Variants in KSR2 observed in about 807,000 individuals in gnomAD.
KSR2 encodes kinase suppressor of ras 2.
In KSR2, 25 loss-of-function variants were observed where a neutral mutation model predicts 107.8. The observed-to-expected ratio is 0.23, with a 90% confidence interval of 0.17 to 0.32. The LOEUF (loss-of-function observed/expected upper bound fraction) is 0.32. Ranked by LOEUF, KSR2 falls within the 10% of genes least tolerant of loss-of-function variation. The pLI is 1.00. For missense variants in KSR2, 887 were observed against 1,268.9 expected, an observed-to-expected ratio of 0.70 and a Z score of 4.57; for synonymous variants, 480 against 507.0, an observed-to-expected ratio of 0.95 and a Z score of 0.71.
At chr12:117,951,799 A>G (rs1896372571) in intron 1 of KSR2, among the ~76,000 whole-genome samples, 1 of 152,110 alleles carries the variant, frequency 6.6e-6, no homozygotes, top group African/African-American at 2.4e-5. Context: ...CAAAGGAGGG[A>G]GGTTCCCAGG....
At chr12:117,639,658 A>AT (rs139711049) in intron 5 of KSR2, among the ~76,000 whole-genome samples, 6,792 of 102,804 alleles carry the variant, frequency 0.066, 167 homozygotes, top group Middle Eastern at 0.12. Flanking sequence ...TATTATTATT[A>AT]TATTATTTTA....
Position 117,502,154 on chromosome 12 carries a change from C to G in KSR2, c.2220-16463G>C, listed in dbSNP as rs149921036. On this transcript the variant is annotated intron_variant, in intron 14 of 19. Transcript: ENST00000339824. ...GTTTCTGAGTGCAGGTGTATGTCTG[C>G]GTCTGTGACTATTTATGCACACATG... Among the ~76,000 whole-genome samples, 18 of 152,318 alleles carry G rather than the reference C, an allele frequency of 1.2e-4. No individual in the cohort carries two copies. In the East Asian group the frequency reaches 2.9e-3, roughly 25 times the overall value.
intron 1 of KSR2, among the ~76,000 whole-genome samples, chr12:117,941,613 CTTTTTTTTT>C (rs139487553): frequency 5.7e-5 from 3 of 52,926 alleles, no homozygotes; most frequent in Non-Finnish European, 9.6e-5. Context: ...ACAGGCTTTC[CTTTTTTTTT>C]TTTTTTTTTT....
chr12:117,750,204 C>T (rs540584965), intron 4 of KSR2, among the ~76,000 whole-genome samples: 4 of 146,988 alleles, frequency 2.7e-5, no homozygotes, highest in South Asian at 4.3e-4. Context: ...GAGCCAAGAT[C>T]GCACCACTGC....
intron 14 of KSR2, among the ~76,000 whole-genome samples, chr12:117,498,015 C>T (rs1008570644): frequency 6.6e-6 from 1 of 152,196 alleles, no homozygotes; most frequent in African/African-American, 2.4e-5. Flanking sequence ...CTGAGAACTT[C>T]TCGCACCATC....
In KSR2 at chr12:117,761,144, G is replaced by T; in HGVS notation, c.853C>A (p.Leu285Met). Residue 285 changes from leucine to methionine, a missense_variant, in exon 4 of 20, where the codon CTG becomes ATG. Around this residue, in one of 8 missense-constraint regions of KSR2, gnomAD observed 399 missense variants for 479.5 expected, o/e 0.83. Transcript: ENST00000339824. Reference sequence around the variant, plus strand: ...GGCGGTGGGGTCCCCGGGGGCTTCAGCTTGTTCTTCTTCCTCATGGGCGGC... The same window carrying T: ...GGCGGTGGGGTCCCCGGGGGCTTCATCTTGTTCTTCTTCCTCATGGGCGGC... ...GTPPMRKKNK[L>M]KPPGTPPPSS... 1.2e-6 allele frequency: 2 copies of T among 1,611,008 alleles called. No individual in the cohort carries two copies. The highest frequency in any genetic ancestry group is 1.7e-4 in the Middle Eastern group (1 of 6,042).
chr12:117,524,551 C>T (rs1874979717), intron 14 of KSR2, among the ~76,000 whole-genome samples: 1 of 152,028 alleles, frequency 6.6e-6, no homozygotes, highest in African/African-American at 2.4e-5. Flanking sequence ...CCTGTAGCGC[C>T]AGCTATTTGG....
At position 117,595,654 on chromosome 12, in the gene KSR2, C is replaced by T. The variant is rs560508370; in HGVS notation, c.1172-13295G>A. On this transcript the variant is annotated intron_variant, in intron 5 of 19. Coordinates refer to ENST00000339824, the MANE Select transcript of KSR2 (RefSeq NM_173598.6). ...CTGGGATTACAGGCGTGAGCCACCG[C>T]GCCCGGCCCTGCTAGATCAAATTCT... 1.4e-4 allele frequency among the ~76,000 whole-genome samples: 22 copies of T among 152,318 alleles called. No homozygotes were observed. In the South Asian group the frequency reaches 1.9e-3, roughly 13 times the overall value.
intron 1 of KSR2, among the ~76,000 whole-genome samples, chr12:117,865,228 C>T (rs1185546565): frequency 6.6e-6 from 1 of 152,082 alleles, no homozygotes; most frequent in Admixed American, 6.6e-5. Context: ...GGATAGAAAA[C>T]TGTGTCTTCC....
intron 10 of KSR2, among the ~76,000 whole-genome samples, chr12:117,532,083 TA>T: frequency 6.6e-6 from 1 of 152,246 alleles, no homozygotes; most frequent in East Asian, 1.9e-4. Flanking sequence ...TACAGTGGCT[TA>T]AAAAATCCTT....
At chr12:117,520,323 T>C (rs1398974794) in intron 14 of KSR2, among the ~76,000 whole-genome samples, 2 of 152,182 alleles carry the variant, frequency 1.3e-5, no homozygotes, top group Admixed American at 1.3e-4. Flanking sequence ...TGAAAGCTGA[T>C]GGAATCTGCT....
intron 1 of KSR2, among the ~76,000 whole-genome samples, chr12:117,903,383 A>C (rs1018733322): frequency 6.6e-6 from 1 of 152,256 alleles, no homozygotes; most frequent in Non-Finnish European, 1.5e-5. Context: ...TTAGCAAATA[A>C]AAATAGAGGA....
chr12:117,580,728 C>T (rs564829960), intron 6 of KSR2, among the ~76,000 whole-genome samples: 1 of 152,334 alleles, frequency 6.6e-6, no homozygotes, highest in African/African-American at 2.4e-5. Context: ...TTTCCCTCCT[C>T]TGGGCATCAG....
At chr12:117,719,250 A>C (rs1431355526) in intron 4 of KSR2, among the ~76,000 whole-genome samples, 6 of 152,126 alleles carry the variant, frequency 3.9e-5, no homozygotes, top group Non-Finnish European at 8.8e-5. Flanking sequence ...ACTGGAGTGC[A>C]GTGACACCAT....
intron 19 of KSR2, chr12:117,467,798 C>T (rs940475192): frequency 2.3e-6 from 1 of 432,616 alleles, no homozygotes. Flanking sequence ...CAGTGTCTAG[C>T]ACATAAAAGA....
At chr12:117,811,117 G>T (rs1891175539) in intron 3 of KSR2, among the ~76,000 whole-genome samples, 1 of 152,058 alleles carries the variant, frequency 6.6e-6, no homozygotes, top group South Asian at 2.1e-4. Flanking sequence ...TACTTGGAGG[G>T]CAGGCCTGGC....
intron 14 of KSR2, among the ~76,000 whole-genome samples, chr12:117,511,876 G>A (rs1261958598): frequency 2.0e-5 from 3 of 152,156 alleles, no homozygotes; most frequent in African/African-American, 2.4e-5. Flanking sequence ...CTGTCTCAGC[G>A]ACCCCACACT....
chr12:117,942,889 T>G (rs749066117), intron 1 of KSR2, among the ~76,000 whole-genome samples: 32 of 152,304 alleles, frequency 2.1e-4, no homozygotes, highest in Non-Finnish European at 3.8e-4. Flanking sequence ...AGCGAAAAAC[T>G]AGAAATAATC....
intron 3 of KSR2, among the ~76,000 whole-genome samples, chr12:117,817,515 A>T (rs1891415842): frequency 6.6e-6 from 1 of 152,222 alleles, no homozygotes; most frequent in Non-Finnish European, 1.5e-5. Flanking sequence ...GCTGGTAACA[A>T]GTTACCTTCC....
Sources: allele counts gnomAD v4.1 joint callset (sites outside exome capture counted in the v4.1 genomes callset), GRCh38; gene constraint gnomAD v4.1.1; regional missense constraint gnomAD v4.1.1; transcripts MANE v1.5; gene names NCBI Gene and HGNC (gene_info 2026-07-23, HGNC 2026-07-21).